Variants in FZD3 observed in about 807,000 individuals in gnomAD.
The protein encoded by FZD3 is frizzled-3.
A neutral mutation model predicts 60.7 loss-of-function variants in FZD3; 30 were observed. The ratio of observed to expected loss-of-function variants is 0.49; its 90% CI spans 0.37 to 0.67. The LOEUF is 0.67. Among genes scored for constraint, FZD3 ranks in the 30% least tolerant of loss-of-function variants. The pLI, the probability that FZD3 is intolerant of heterozygous loss-of-function variation, is 0.00. For missense variants in FZD3, 605 were observed against 838.7 expected (o/e 0.72, Z 3.44); for synonymous variants, 246 against 275.2 (o/e 0.89, Z 1.05).
chr8:28,566,861 G>A lies in FZD3; in HGVS notation c.*3850G>A, dbSNP rs1231844124. On this transcript the variant is annotated 3_prime_UTR_variant, in exon 8 of 8. Coordinates refer to ENST00000240093, the MANE Select transcript of FZD3 (RefSeq NM_017412.4). ...GGTCATTTTATTTCTCTGAGTCTTT[G>A]TTTCTTCAATGTAAAATGTGGATAA... The A allele has an allele frequency of 6.6e-6, 1 of 152,054 alleles. No homozygotes were observed. Among genetic ancestry groups the A allele is most frequent in the East Asian group, 1.9e-4 (1 of 5,196 alleles). The allele number at this position is 152,054 out of a possible 1,614,324, so 9.4% of individuals were successfully genotyped here.
In FZD3 at chr8:28,528,191, A is replaced by C. The variant is rs369898333; in HGVS notation, c.1404+27A>C. The C allele has an allele frequency of 1.1e-5, 17 of 1,535,676 alleles. No individual in the cohort carries two copies. The African/African-American group carries it at 1.5e-4, about 14-fold the overall frequency. On this transcript the variant is annotated intron_variant, in intron 5 of 7. Coordinates refer to ENST00000240093, the MANE Select transcript of FZD3 (RefSeq NM_017412.4). Reference sequence around the variant, plus strand: ...TAAGGGAAACCTTGTTACAAATTTCAGAATATATGATAATGAAACAAAAGC... The same window carrying C: ...TAAGGGAAACCTTGTTACAAATTTCCGAATATATGATAATGAAACAAAAGC...
intron 3 of FZD3, among the ~76,000 whole-genome samples, chr8:28,516,524 C>T (rs1360042413): frequency 1.3e-5 from 2 of 152,104 alleles, no homozygotes; most frequent in Admixed American, 1.3e-4. Context: ...TCTTCCAAAC[C>T]ATGAACACAG....
chr8:28,521,870 A>G (rs1048672266), intron 4 of FZD3, among the ~76,000 whole-genome samples: 1 of 152,172 alleles, frequency 6.6e-6, no homozygotes, highest in Non-Finnish European at 1.5e-5. Context: ...TTGTTATTAT[A>G]AGTAACATTC....
At chr8:28,501,717 T>C (rs1325222614) in intron 2 of FZD3, among the ~76,000 whole-genome samples, 1 of 152,208 alleles carries the variant, frequency 6.6e-6, no homozygotes, top group Non-Finnish European at 1.5e-5. Flanking sequence ...GAAAAGTACA[T>C]ACAAGTCAGA....
At chr8:28,548,792 G>A (rs921686150) in intron 5 of FZD3, among the ~76,000 whole-genome samples, 3 of 152,108 alleles carry the variant, frequency 2.0e-5, no homozygotes, top group Admixed American at 1.3e-4. Context: ...TTTGGGGATT[G>A]TGTCAAATTT....
At chr8:28,517,541 T>C (rs1264257782) in intron 3 of FZD3, among the ~76,000 whole-genome samples, 1 of 152,040 alleles carries the variant, frequency 6.6e-6, no homozygotes, top group South Asian at 2.1e-4. Flanking sequence ...TACTGATCTG[T>C]CCTTTTGAGA....
intron 5 of FZD3, among the ~76,000 whole-genome samples, chr8:28,538,928 C>T (rs1477268443): frequency 2.0e-5 from 3 of 151,538 alleles, no homozygotes. Flanking sequence ...AATACAGCCT[C>T]TGCCCTACAG....
Position 28,573,172 on chromosome 8 carries a change from C to G in FZD3, c.*10161C>G, listed in dbSNP as rs1410873979. 6.6e-6 allele frequency: 1 copy of G among 152,224 alleles called. No individual in the cohort carries two copies. Among genetic ancestry groups the G allele is most frequent in the South Asian group, 2.1e-4 (1 of 4,820 alleles). 9.4% of individuals were successfully genotyped at this position (152,224 alleles called of 1,614,324 possible). On this transcript the variant is annotated 3_prime_UTR_variant, in exon 8 of 8. Transcript: ENST00000240093. ...CAAAACTTCCTTACCTGCCTTCTAT[C>G]CCCTAGTCATTCTTATCAATACTTC...
chr8:28,496,312 G>T lies in FZD3; in HGVS notation c.-391+1969G>T, dbSNP rs1033174857. ...AGATTTTATAGTCAAAACTTTTTCT[G>T]AGCATGTGAGTTTGTTGATGTTAAG... On this transcript the variant is annotated intron_variant, in intron 1 of 7. Transcript: ENST00000240093. 1.3e-4 allele frequency among the ~76,000 whole-genome samples: 20 copies of T among 152,252 alleles called. 1 individual carries two copies. The highest frequency in any genetic ancestry group is 4.8e-4 in the African/African-American group (20 of 41,540).
chr8:28,545,991 T>TA (rs1262716913), intron 5 of FZD3, among the ~76,000 whole-genome samples: 1 of 152,228 alleles, frequency 6.6e-6, no homozygotes, highest in Non-Finnish European at 1.5e-5. Flanking sequence ...AATATTGTAA[T>TA]ACAATTGTTT....
rs376422008 is a variant in FZD3 at position 28,549,261 on chromosome 8, C to T, written c.1405-2342C>T. Among the ~76,000 whole-genome samples, 9 of 152,268 alleles carry T rather than the reference C, an allele frequency of 5.9e-5. 1 individual carries two copies. The highest frequency in any genetic ancestry group is 2.2e-4 in the African/African-American group (9 of 41,554). On this transcript the variant is annotated intron_variant, in intron 5 of 7. Coordinates refer to ENST00000240093, the MANE Select transcript of FZD3 (RefSeq NM_017412.4). ...ACCTTAATTACCTCTTTGAAGGCCC[C>T]ACCTCCAAATACAGTCACATTCTGA...
rs939518636 is a variant in FZD3 at position 28,572,784 on chromosome 8, T to C, written c.*9773T>C. ...TTTGCCATAAAATGCCATTTAAGGATTTTCTTTTTACCTTTATTTCATTAT... is the reference window on the plus strand; with the variant it reads ...TTTGCCATAAAATGCCATTTAAGGACTTTCTTTTTACCTTTATTTCATTAT... On this transcript the variant is annotated 3_prime_UTR_variant, in exon 8 of 8. Coordinates refer to ENST00000240093, the MANE Select transcript of FZD3 (RefSeq NM_017412.4). The C allele has an allele frequency of 6.6e-6, 1 of 152,138 alleles. No individual in the cohort carries two copies. Among genetic ancestry groups the C allele is most frequent in the Admixed American group, 6.5e-5 (1 of 15,280 alleles). 9.4% of individuals were successfully genotyped at this position (152,138 alleles called of 1,614,324 possible). A position where few individuals can be genotyped will look rare whatever the true frequency, so the allele number is the denominator to read the frequency against.
chr8:28,514,779 G>A (rs772930079), intron 3 of FZD3, among the ~76,000 whole-genome samples: 3 of 152,162 alleles, frequency 2.0e-5, no homozygotes, highest in African/African-American at 7.2e-5. Flanking sequence ...ATTTAGCAGG[G>A]TTCCTCCTTA....
In FZD3 at chr8:28,562,801, C is replaced by G. The variant is rs747278114; in HGVS notation, c.1791C>G (p.Tyr597Ter). Residue 597 changes from tyrosine to a stop codon, truncating the protein, a stop_gained, in exon 8 of 8, where the codon TAC becomes TAG. Transcript: ENST00000240093. LOFTEE classifies it high-confidence loss of function. ...TCAAAATAAACTCTCATGACAGGTA[C>G]ACGCCCTGCAGTTACAGAGGAATGG... Reference protein sequence around the residue: ...GSLHRSRDGRYTPCSYRGMEE... With the variant: ...GSLHRSRDGR 5 of 1,591,336 alleles carry G rather than the reference C, an allele frequency of 3.1e-6. No individual in the cohort carries two copies. The highest frequency in any genetic ancestry group is 4.3e-6 in the Non-Finnish European group (5 of 1,162,250).
At chr8:28,509,612 T>A (rs1239984885) in intron 3 of FZD3, among the ~76,000 whole-genome samples, 2 of 152,202 alleles carry the variant, frequency 1.3e-5, no homozygotes, top group African/African-American at 4.8e-5. Context: ...TTCTCCCTAG[T>A]CCCTGGCAAC....
intron 1 of FZD3, among the ~76,000 whole-genome samples, chr8:28,494,993 C>A (rs541756387): frequency 6.6e-6 from 1 of 152,316 alleles, no homozygotes; most frequent in African/African-American, 2.4e-5. Flanking sequence ...GCCTCCTCCG[C>A]GGGCTGTGGG....
chr8:28,537,525 A>G (rs1249586769), intron 5 of FZD3, among the ~76,000 whole-genome samples: 3 of 34,806 alleles, frequency 8.6e-5, no homozygotes, highest in East Asian at 8.7e-4. Context: ...CTTTGCTGCT[A>G]TGGTACAACT....
rs993670923 is a variant in FZD3, at chr8:28,502,275, A to G, written c.-344-395A>G. The stretch of plus-strand genomic sequence containing the variant: ...CAAAAATATACTATTAAAGATTAAA[A>G]CACATGCAATTTTAGTTCAATAATT... On this transcript the variant is annotated intron_variant, in intron 2 of 7. Transcript: ENST00000240093. Among the ~76,000 whole-genome samples, 124 of 152,198 alleles carry G rather than the reference A, an allele frequency of 8.1e-4. 3 individuals are homozygous for G. Among genetic ancestry groups the G allele is most frequent in the Non-Finnish European group, 8.8e-5 (6 of 68,018 alleles).
chr8:28,569,074 G>C lies in FZD3; in HGVS notation c.*6063G>C, dbSNP rs1368614729. 1 of 151,762 alleles carries C rather than the reference G, an allele frequency of 6.6e-6. No homozygotes were observed. Among genetic ancestry groups the C allele is most frequent in the Non-Finnish European group, 1.5e-5 (1 of 67,908 alleles). The allele number at this position is 151,762 out of a possible 1,614,324, so 9.4% of individuals were successfully genotyped here. ...GTTGATATTTTATCATATTCCTGGA[G>C]TAGGATGGATTACTTTATTATTATT... On this transcript the variant is annotated 3_prime_UTR_variant, in exon 8 of 8. Coordinates refer to ENST00000240093, the MANE Select transcript of FZD3 (RefSeq NM_017412.4).
Sources: allele counts gnomAD v4.1 joint callset (sites outside exome capture counted in the v4.1 genomes callset), GRCh38; gene constraint gnomAD v4.1.1; transcripts MANE v1.5; gene names NCBI Gene and HGNC (gene_info 2026-07-23, HGNC 2026-07-21).